The following PVALB variants were observed in gnomAD, a reference collection of about 807,000 sequenced individuals.
PVALB encodes the protein parvalbumin alpha.
A neutral mutation model predicts 10.9 loss-of-function variants in PVALB; 11 were observed. The ratio of observed to expected loss-of-function variants is 1.01; its 90% confidence interval spans 0.63 to 1.67. The LOEUF is 1.67. PVALB is among the 40% of genes most tolerant of loss of function. The pLI is 0.00. For missense variants in PVALB, 131 were observed against 136.2 expected, an observed-to-expected ratio of 0.96 and a Z score of 0.19; for synonymous variants, 57 against 50.7, an observed-to-expected ratio of 1.12 and a Z score of -0.53.
intron 3 of PVALB, among the ~76,000 whole-genome samples, chr22:36,810,030 G>T (rs1939021920): frequency 6.6e-6 from 1 of 152,050 alleles, no homozygotes; most frequent in Non-Finnish European, 1.5e-5. Flanking sequence ...GATTACAGGT[G>T]TGTGCCACCA....
intron 3 of PVALB, among the ~76,000 whole-genome samples, chr22:36,803,730 T>G (rs1601518154): frequency 1.4e-5 from 2 of 139,980 alleles, no homozygotes; most frequent in African/African-American, 5.3e-5. Flanking sequence ...GTTGGGTGGG[T>G]GGATGGGATA....
At chr22:36,805,267 G>C (rs1938931732) in intron 3 of PVALB, among the ~76,000 whole-genome samples, 1 of 152,080 alleles carries the variant, frequency 6.6e-6, no homozygotes, top group South Asian at 2.1e-4. Context: ...CTGTCAAATG[G>C]AGCTCATGAT....
At position 36,800,729 on chromosome 22, in the gene PVALB, C is replaced by T. The variant is rs1010296508; in HGVS notation, c.*161G>A. ...GACTGGTACAACCTTTATTGCTTCT[C>T]CAGCATTTTCCAGAAGAATGGTGTC... On this transcript the variant is annotated 3_prime_UTR_variant, in exon 4 of 4. Transcript: ENST00000417718. 6 of 800,248 alleles carry T rather than the reference C, an allele frequency of 7.5e-6. No individual in the cohort carries two copies. Among genetic ancestry groups the T allele is most frequent in the Non-Finnish European group, 8.5e-6 (4 of 472,678 alleles). The allele number at this position is 800,248 out of a possible 1,614,324, so 49.6% of individuals were successfully genotyped here. A position where few individuals can be genotyped will look rare whatever the true frequency, so the allele number is the denominator to read the frequency against.
At chr22:36,816,907 G>T (rs567593386) in intron 1 of PVALB, 38 bp downstream of exon 1, 35 of 1,560,162 alleles carry the variant, frequency 2.2e-5, no homozygotes, top group Middle Eastern at 2.3e-4. Context: ...GGCGGTGGAC[G>T]AGGGGAGAGG....
In PVALB at chr22:36,815,194, C is replaced by G. The variant is rs571435563; in HGVS notation, c.103G>C (p.Gly35Arg). The G allele has an allele frequency of 6.2e-7, 1 of 1,614,148 alleles. No individual in the cohort carries two copies. The highest frequency in any genetic ancestry group is 1.1e-5 in the South Asian group (1 of 91,082). ...TCATCCGCACTCTTTTTCTTCAGGC[C>G]GACCATTTGGAAGAACTTTTTGTGG... ...FDHKKFFQMV[G>R]LKKKSADDVK... The change falls in exon 2 of 4, where the codon GGC (glycine) becomes CGC (arginine). Residue 35 changes from glycine to arginine, a missense_variant. By Grantham distance (125) the Gly-to-Arg change is moderately radical. Transcript: ENST00000417718.
chr22:36,814,633 T>C (rs2269512), intron 2 of PVALB, among the ~76,000 whole-genome samples: 92,299 of 151,922 alleles, frequency 0.61, 31,076 homozygotes, highest in Non-Finnish European at 0.75. Context: ...CCCTGGACTC[T>C]CAGAGGTGGT....
intron 3 of PVALB, among the ~76,000 whole-genome samples, chr22:36,813,287 C>T (rs868161749): frequency 2.0e-5 from 3 of 151,942 alleles, no homozygotes; most frequent in Non-Finnish European, 2.9e-5. Flanking sequence ...GCCCAGCGAT[C>T]GAGAGACACT....
chr22:36,811,449 A>G (rs1939045205), intron 3 of PVALB: 1 of 470,798 alleles, frequency 2.1e-6, no homozygotes. Context: ...GCACCCAGTC[A>G]GGAAATGGGC....
chr22:36,805,226 C>T (rs1019526113), intron 3 of PVALB, among the ~76,000 whole-genome samples: 2 of 152,144 alleles, frequency 1.3e-5, no homozygotes, highest in Non-Finnish European at 2.9e-5. Context: ...TTTCTTGTTC[C>T]TGTGACCTTC....
intron 3 of PVALB, among the ~76,000 whole-genome samples, chr22:36,810,263 G>A (rs2035845762): frequency 6.6e-6 from 1 of 152,248 alleles, no homozygotes; most frequent in South Asian, 2.1e-4. Flanking sequence ...GGAGTTGAAG[G>A]CATCTTCCAG....
At chr22:36,809,133 T>C (rs1396234193) in intron 3 of PVALB, among the ~76,000 whole-genome samples, 1 of 152,226 alleles carries the variant, frequency 6.6e-6, no homozygotes, top group African/African-American at 2.4e-5. Context: ...TTGGGCTCCC[T>C]GGCACCTGCT....
At chr22:36,816,906 C>G (rs199687577) in intron 1 of PVALB, 39 bp downstream of exon 1, 6 of 1,557,518 alleles carry the variant, frequency 3.9e-6, no homozygotes, top group South Asian at 3.4e-5. Context: ...GGGCGGTGGA[C>G]GAGGGGAGAG....
chr22:36,815,230 C>T lies in PVALB; in HGVS notation c.67G>A (p.Asp23Asn), dbSNP rs748683112. ...KKAVGAFSAT[D>N]SFDHKKFFQM... Reference sequence around the variant, plus strand: ...AAGAACTTTTTGTGGTCGAAGGAGTCGGTAGCTGTGGGGGGAAGAGCAGGG... The same window carrying T: ...AAGAACTTTTTGTGGTCGAAGGAGTTGGTAGCTGTGGGGGGAAGAGCAGGG... Residue 23 changes from aspartate (D) to asparagine (N), a missense_variant, in exon 2 of 4, where the codon GAC (aspartate) becomes AAC (asparagine). Asp to Asn is a conservative substitution (Grantham distance 23). Coordinates refer to ENST00000417718, the MANE Select transcript of PVALB (RefSeq NM_001315532.2). The T allele has an allele frequency of 1.7e-5, 28 of 1,614,126 alleles. No homozygotes were observed. Among genetic ancestry groups the T allele is most frequent in the East Asian group, 2.2e-5 (1 of 44,878 alleles).
At chr22:36,802,331 G>A (rs1350357822) in intron 3 of PVALB, among the ~76,000 whole-genome samples, 5 of 152,006 alleles carry the variant, frequency 3.3e-5, no homozygotes, top group African/African-American at 1.2e-4. Flanking sequence ...GGCTGGGCAC[G>A]GTGGCTCGCT....
At chr22:36,801,121 C>G (rs1208910205) in intron 3 of PVALB, among the ~76,000 whole-genome samples, 1 of 152,120 alleles carries the variant, frequency 6.6e-6, no homozygotes, top group Non-Finnish European at 1.5e-5. Flanking sequence ...AATGATGGGC[C>G]TACCACATCT....
chr22:36,817,143 C>G (rs936602151), upstream of PVALB: 6 of 727,754 alleles, frequency 8.2e-6, no homozygotes, highest in Admixed American at 2.2e-4. Flanking sequence ...CGCCAGGGGC[C>G]CGGACTCTGA....
Sources: gnomAD v4.1 joint callset for allele counts (sites outside exome capture counted in the v4.1 genomes callset) on GRCh38, gnomAD v4.1.1 for gene constraint, MANE v1.5 for transcripts, NCBI Gene and HGNC (gene_info 2026-07-23, HGNC 2026-07-21) for gene names.